Variants in TTC39B observed in about 807,000 individuals in gnomAD.
The protein encoded by TTC39B is tetratricopeptide repeat domain 39B.
In TTC39B, 92 loss-of-function variants were observed where a neutral mutation model predicts 96.6. The ratio of observed to expected loss-of-function variants is 0.95; its 90% confidence interval spans 0.80 to 1.13. The LOEUF (loss-of-function observed/expected upper bound fraction) is 1.13. Among genes scored for constraint, TTC39B ranks in the 50% most tolerant of loss-of-function variants. The pLI is 0.00. For missense variants in TTC39B, 955 were observed against 809.3 expected (o/e 1.18, Z -2.18); for synonymous variants, 367 against 299.4 (o/e 1.23, Z -2.33).
rs145123921 is a variant in TTC39B at position 15,276,573 on chromosome 9, T to A, written c.241-8625A>T. Among the ~76,000 whole-genome samples the A allele has an allele frequency of 1.3e-3, 193 of 152,342 alleles. 3 individuals are homozygous for A. The East Asian group carries it at 0.036, about 28-fold the overall frequency. Reference sequence around the variant, plus strand: ...GTCACAATACAAAGTCCATGTCATGTGCTCAAGTGTCTAGGAAGCAAATCT... The same window carrying A: ...GTCACAATACAAAGTCCATGTCATGAGCTCAAGTGTCTAGGAAGCAAATCT... On this transcript the variant is annotated intron_variant, in intron 1 of 19. Transcript: ENST00000512701.
chr9:15,216,580 A>C (rs1820531521), intron 3 of TTC39B, among the ~76,000 whole-genome samples: 1 of 152,200 alleles, frequency 6.6e-6, no homozygotes, highest in African/African-American at 2.4e-5. Context: ...AAATTTTGTC[A>C]GTGTTACATT....
chr9:15,208,304 T>C (rs911135409), intron 6 of TTC39B, among the ~76,000 whole-genome samples: 2 of 152,082 alleles, frequency 1.3e-5, no homozygotes, highest in African/African-American at 4.8e-5. Flanking sequence ...ATTACAGGTG[T>C]GAGCCACCAC....
chr9:15,277,473 C>T (rs756234067), intron 1 of TTC39B, among the ~76,000 whole-genome samples: 2 of 152,272 alleles, frequency 1.3e-5, no homozygotes, highest in South Asian at 2.1e-4. Context: ...TGCCACACTG[C>T]TCCCTGGTAG....
At position 15,186,220 on chromosome 9, in the gene TTC39B, C is replaced by T. The variant is rs941441918; in HGVS notation, c.1487+724G>A. On this transcript the variant is annotated intron_variant, in intron 15 of 19. Coordinates refer to ENST00000512701, the Ensembl canonical transcript of TTC39B. ...AGTCAAGCTTATGTTAGGTTAATTC[C>T]GGGCAAAATATGGAGCTATGGATTT... Among the ~76,000 whole-genome samples the T allele has an allele frequency of 3.9e-5, 6 of 152,146 alleles. No individual in the cohort carries two copies. In the East Asian group the frequency reaches 9.7e-4, roughly 24 times the overall value.
In TTC39B at chr9:15,282,718, C is replaced by T. The variant is rs557122439; in HGVS notation, c.241-14770G>A. Among the ~76,000 whole-genome samples, 11 of 152,266 alleles carry T rather than the reference C, an allele frequency of 7.2e-5. No individual in the cohort carries two copies. The South Asian group carries it at 2.3e-3, about 32-fold the overall frequency. On this transcript the variant is annotated intron_variant, in intron 1 of 19. Coordinates refer to ENST00000512701, the Ensembl canonical transcript of TTC39B. ...TCATAAAAACCCTCGGTAGTGGCTT[C>T]ATACTCTACTCAGTTTACATATGAT...
chr9:15,178,846 G>A (rs1195954853), intron 17 of TTC39B, among the ~76,000 whole-genome samples: 1 of 152,218 alleles, frequency 6.6e-6, no homozygotes, highest in East Asian at 1.9e-4. Context: ...TCCATATGGA[G>A]AAGCAGATGG....
intron 17 of TTC39B, 56 bp downstream of exon 17, chr9:15,182,251 G>C (rs1588850648): frequency 1.8e-6 from 2 of 1,106,602 alleles, no homozygotes; most frequent in Non-Finnish European, 2.6e-6. Context: ...GAAAAGACAG[G>C]AGAGCAGTCA....
At chr9:15,206,617 T>A (rs1362226355) in intron 6 of TTC39B, among the ~76,000 whole-genome samples, 1 of 152,208 alleles carries the variant, frequency 6.6e-6, no homozygotes, top group Non-Finnish European at 1.5e-5. Context: ...GGAGTAAATA[T>A]CTTCATGATG....
intron 1 of TTC39B, among the ~76,000 whole-genome samples, chr9:15,300,634 C>G (rs1824549949): frequency 6.6e-6 from 1 of 152,160 alleles, no homozygotes; most frequent in African/African-American, 2.4e-5. Context: ...GCCTGTAATC[C>G]CAGCACTTTG....
rs1824763942 is a variant in TTC39B, at chr9:15,306,681, A to G, written c.240+403T>C. The stretch of plus-strand genomic sequence containing the variant: ...GATTCCCAGGTCGAGGGATGATTCC[A>G]CGAACACCCAGAGAGCCAGTGCCAG... On this transcript the variant is annotated intron_variant, in intron 1 of 19. Transcript: ENST00000512701. This position sits in a 1 kb window ranked among gnomAD's most constrained non-coding sequence, Gnocchi z 5.1. 6.6e-6 allele frequency among the ~76,000 whole-genome samples: 1 copy of G among 152,180 alleles called. No individual in the cohort carries two copies. The highest frequency in any genetic ancestry group is 6.5e-5 in the Admixed American group (1 of 15,284).
chr9:15,255,433 A>G (rs931877972), intron 2 of TTC39B, among the ~76,000 whole-genome samples: 10 of 152,132 alleles, frequency 6.6e-5, no homozygotes, highest in African/African-American at 2.4e-4. Context: ...AGGAGACCAG[A>G]GAGGCTGATG....
At chr9:15,293,723 C>T (rs943417597) in intron 1 of TTC39B, among the ~76,000 whole-genome samples, 2 of 152,196 alleles carry the variant, frequency 1.3e-5, no homozygotes, top group African/African-American at 4.8e-5. Context: ...CCTAAAGCTG[C>T]CTCCTTACAT....
intron 4 of TTC39B, among the ~76,000 whole-genome samples, chr9:15,212,470 G>C (rs1210759154): frequency 2.6e-5 from 4 of 151,998 alleles, no homozygotes; most frequent in Non-Finnish European, 4.4e-5. Flanking sequence ...TTGTTGCCCA[G>C]GCTGAAGTAC....
intron 1 of TTC39B, among the ~76,000 whole-genome samples, chr9:15,291,772 C>G (rs1467704534): frequency 2.0e-5 from 3 of 152,204 alleles, no homozygotes; most frequent in Non-Finnish European, 4.4e-5. Context: ...AGCCTCTTCC[C>G]TGACACACCT....
At chr9:15,282,363 T>C (rs1473137404) in intron 1 of TTC39B, among the ~76,000 whole-genome samples, 2 of 152,206 alleles carry the variant, frequency 1.3e-5, no homozygotes, top group African/African-American at 2.4e-5. Flanking sequence ...TGCAGAGGGA[T>C]AGATACCAAG....
intron 17 of TTC39B, among the ~76,000 whole-genome samples, chr9:15,178,159 G>A (rs1039242329): frequency 1.4e-4 from 22 of 151,896 alleles, no homozygotes; most frequent in Non-Finnish European, 7.4e-5. Flanking sequence ...GTGAGCCACC[G>A]TGCCCGGCCT....
chr9:15,231,182 T>A (rs1320358089), intron 2 of TTC39B, among the ~76,000 whole-genome samples: 2 of 152,146 alleles, frequency 1.3e-5, no homozygotes, highest in Non-Finnish European at 2.9e-5. Flanking sequence ...ATTTTTTTAA[T>A]TTTTATTTTT....
intron 2 of TTC39B, among the ~76,000 whole-genome samples, chr9:15,243,225 T>G (rs7037184): frequency 0.033 from 4,962 of 152,274 alleles, 285 homozygotes; most frequent in African/African-American, 0.11. Context: ...AAGTTTTTAC[T>G]TAACTGGGCA....
intron 1 of TTC39B, among the ~76,000 whole-genome samples, chr9:15,296,233 G>A (rs769753682): frequency 4.6e-5 from 7 of 152,198 alleles, no homozygotes; most frequent in East Asian, 1.9e-4. Context: ...AACTTAGTCC[G>A]AAGGTAAAAG....
Sources: allele counts gnomAD v4.1 joint callset (sites outside exome capture counted in the v4.1 genomes callset), GRCh38; gene constraint gnomAD v4.1.1; non-coding constraint Gnocchi (gnomAD v3.1); transcripts MANE v1.5; gene names NCBI Gene and HGNC (gene_info 2026-07-23, HGNC 2026-07-21).